Variants in NELL1 observed in about 807,000 individuals in gnomAD.
NELL1 encodes protein kinase C-binding protein NELL1.
NELL1 carries 76 observed loss-of-function variants against 107.4 expected under a neutral mutation model. That is an observed-to-expected ratio of 0.71 (90% CI 0.59 to 0.86). The LOEUF is 0.86. NELL1 is among the 40% of genes least tolerant of loss of function. The probability of loss-of-function intolerance (pLI) is 0.00; values close to 1 mark genes in which losing one functional copy is unlikely to be tolerated. For missense variants in NELL1, 1,024 were observed against 1,005.5 expected (o/e 1.02, Z -0.25); for synonymous variants, 353 against 341.2 (o/e 1.03, Z -0.38).
intron 13 of NELL1, among the ~76,000 whole-genome samples, chr11:21,207,574 A>G (rs1742434379): frequency 6.6e-6 from 1 of 152,176 alleles, no homozygotes; most frequent in African/African-American, 2.4e-5. Flanking sequence ...CTACTACTTT[A>G]TGTACAAATA....
intron 5 of NELL1, among the ~76,000 whole-genome samples, chr11:20,912,902 C>T (rs2082080): frequency 0.57 from 85,971 of 152,028 alleles, 28,983 homozygotes; most frequent in Non-Finnish European, 0.76. Flanking sequence ...GTCAAAGTCA[C>T]AGAACTGGGG....
intron 3 of NELL1, among the ~76,000 whole-genome samples, chr11:20,817,115 C>G (rs1480124213): frequency 2.6e-5 from 4 of 151,978 alleles, no homozygotes; most frequent in African/African-American, 9.7e-5. Flanking sequence ...TTTGTTGTGT[C>G]TTTGCCAGAT....
chr11:21,365,402 C>T (rs563879631), intron 14 of NELL1, among the ~76,000 whole-genome samples: 2 of 152,266 alleles, frequency 1.3e-5, no homozygotes, highest in African/African-American at 4.8e-5. Context: ...CTTATCTAAG[C>T]CAGCTTTCTC....
intron 15 of NELL1, among the ~76,000 whole-genome samples, chr11:21,418,898 A>C (rs954329140): frequency 5.9e-5 from 9 of 152,116 alleles, no homozygotes; most frequent in African/African-American, 2.2e-4. Context: ...CTTCATGAGC[A>C]CGTAAAGTGA....
intron 2 of NELL1, among the ~76,000 whole-genome samples, chr11:20,684,616 G>T (rs1292457132): frequency 6.6e-6 from 1 of 152,002 alleles, no homozygotes; most frequent in Non-Finnish European, 1.5e-5. Flanking sequence ...TTCCTTGCAT[G>T]CCTCTTAATT....
intron 12 of NELL1, among the ~76,000 whole-genome samples, chr11:20,976,117 T>C (rs1438678241): frequency 7.5e-6 from 1 of 133,124 alleles, no homozygotes; most frequent in Non-Finnish European, 1.6e-5. Flanking sequence ...TCTGTACATA[T>C]ATGTATTATG....
chr11:20,923,959 T>C (rs1850435406), intron 7 of NELL1, among the ~76,000 whole-genome samples: 1 of 152,174 alleles, frequency 6.6e-6, no homozygotes, highest in African/African-American at 2.4e-5. Flanking sequence ...CCTCTGATGA[T>C]AAAAAAGGCC....
At chr11:20,789,830 G>A (rs369022338) in intron 3 of NELL1, among the ~76,000 whole-genome samples, 13 of 152,130 alleles carry the variant, frequency 8.5e-5, no homozygotes, top group Admixed American at 3.9e-4. Context: ...CTGCAGGCAG[G>A]TCCTGCTGTT....
intron 12 of NELL1, among the ~76,000 whole-genome samples, chr11:21,040,957 G>C (rs768515382): frequency 6.6e-6 from 1 of 152,254 alleles, no homozygotes; most frequent in Non-Finnish European, 1.5e-5. Context: ...TGCTTTAAAA[G>C]CAATGTCACC....
chr11:21,460,514 A>G (rs1188764180), intron 15 of NELL1, among the ~76,000 whole-genome samples: 1 of 152,138 alleles, frequency 6.6e-6, no homozygotes, highest in Non-Finnish European at 1.5e-5. Flanking sequence ...TGAGGTAGCT[A>G]TGGTGCCAGG....
At chr11:20,788,368 T>C (rs2133987979) in intron 3 of NELL1, among the ~76,000 whole-genome samples, 1 of 152,356 alleles carries the variant, frequency 6.6e-6, no homozygotes, top group Middle Eastern at 3.4e-3. Flanking sequence ...ACACTAGTTA[T>C]TATCTTTCTT....
intron 3 of NELL1, among the ~76,000 whole-genome samples, chr11:20,786,755 T>A (rs965860899): frequency 6.6e-6 from 1 of 151,932 alleles, no homozygotes; most frequent in Non-Finnish European, 1.5e-5. Context: ...ACACCTGTAA[T>A]CCCAGCACTT....
At chr11:21,554,661 T>C (rs1394628498) in intron 16 of NELL1, among the ~76,000 whole-genome samples, 1 of 151,896 alleles carries the variant, frequency 6.6e-6, no homozygotes, top group Non-Finnish European at 1.5e-5. Context: ...TTTTGAGCAA[T>C]TATTACATGA....
At chr11:20,980,972 A>T (rs1203782686) in intron 12 of NELL1, among the ~76,000 whole-genome samples, 1 of 152,234 alleles carries the variant, frequency 6.6e-6, no homozygotes, top group Non-Finnish European at 1.5e-5. Context: ...CAATCTGAGA[A>T]AAGGACTGTT....
chr11:21,553,882 G>A (rs1251969452), intron 16 of NELL1, among the ~76,000 whole-genome samples: 1 of 151,838 alleles, frequency 6.6e-6, no homozygotes, highest in Non-Finnish European at 1.5e-5. Flanking sequence ...TTCAGCAAAG[G>A]ATGAAATTTT....
At chr11:20,926,246 G>GT (rs888531727) in intron 7 of NELL1, among the ~76,000 whole-genome samples, 2 of 152,064 alleles carry the variant, frequency 1.3e-5, no homozygotes, top group African/African-American at 2.4e-5. Flanking sequence ...TGTATTTAGG[G>GT]TTTTTTTGCA....
intron 15 of NELL1, among the ~76,000 whole-genome samples, chr11:21,456,457 C>T (rs1347353270): frequency 2.6e-5 from 4 of 152,078 alleles, no homozygotes; most frequent in Non-Finnish European, 4.4e-5. Flanking sequence ...CACTATCATA[C>T]ACTGTCTGTT....
intron 12 of NELL1, among the ~76,000 whole-genome samples, chr11:20,983,605 C>A (rs751191087): frequency 6.6e-6 from 1 of 152,112 alleles, no homozygotes; most frequent in African/African-American, 2.4e-5. Context: ...AGTCGATTAC[C>A]AGACTCACTT....
intron 12 of NELL1, among the ~76,000 whole-genome samples, chr11:20,977,070 G>C (rs1590489173): frequency 6.6e-6 from 1 of 151,886 alleles, no homozygotes; most frequent in Non-Finnish European, 1.5e-5. Context: ...TGTATAGCTA[G>C]AATAAATATG....
Sources: allele counts gnomAD v4.1 joint callset (sites outside exome capture counted in the v4.1 genomes callset), GRCh38; gene constraint gnomAD v4.1.1; transcripts MANE v1.5; gene names NCBI Gene and HGNC (gene_info 2026-07-23, HGNC 2026-07-21).